USP20: variants seen among roughly 807,000 people sequenced by gnomAD.
USP20 encodes ubiquitin carboxyl-terminal hydrolase 20.
USP20 carries 80 observed loss-of-function variants against 124.2 expected under a neutral mutation model. The ratio of observed to expected loss-of-function variants is 0.64; its 90% CI spans 0.54 to 0.78. USP20 has a LOEUF of 0.78. Ranked by LOEUF, USP20 falls within the 30% of genes least tolerant of loss-of-function variation. The pLI is 0.00. For missense variants in USP20, 1,043 were observed against 1,244.4 expected (o/e 0.84, Z 2.44); for synonymous variants, 481 against 512.3 (o/e 0.94, Z 0.83).
chr9:129,844,342 C>T (rs1010957578), intron 1 of USP20, among the ~76,000 whole-genome samples: 2 of 151,820 alleles, frequency 1.3e-5, no homozygotes, highest in African/African-American at 4.8e-5. Context: ...ATTTATATAT[C>T]TGGTTGGGCA....
At chr9:129,835,931 C>G (rs2031797305) in intron 1 of USP20, 1 of 152,260 alleles carries the variant, frequency 6.6e-6, no homozygotes, top group Admixed American at 6.5e-5. Context: ...GTCCCAGCGC[C>G]GACTGCCTCA....
chr9:129,865,037 T>C (rs936983885), intron 9 of USP20, among the ~76,000 whole-genome samples: 3 of 152,230 alleles, frequency 2.0e-5, no homozygotes, highest in Non-Finnish European at 4.4e-5. Context: ...AAACAAATCA[T>C]GTTTAGGCGA....
intron 10 of USP20, 127 bp downstream of exon 10, chr9:129,865,508 G>T (rs1588272335): frequency 2.1e-6 from 2 of 945,118 alleles, no homozygotes; most frequent in East Asian, 5.2e-5. Flanking sequence ...CACGGACCAG[G>T]CTCTCACTCC....
intron 6 of USP20, among the ~76,000 whole-genome samples, chr9:129,859,842 C>T (rs1422221778): frequency 6.6e-6 from 1 of 152,106 alleles, no homozygotes; most frequent in Admixed American, 6.5e-5. Context: ...TGAGACCAGC[C>T]TGGGCAACAG....
rs1426181616 is a variant in USP20 at position 129,863,267 on chromosome 9, G to GA, written c.581dup (p.Leu195AlafsTer4). 1 of 1,550,782 alleles carries GA rather than the reference G, an allele frequency of 6.4e-7. No individual in the cohort carries two copies. The highest frequency in any genetic ancestry group is 1.9e-5 in the Admixed American group (1 of 51,430). On this transcript the variant is annotated frameshift_variant, in exon 9 of 26. Coordinates refer to ENST00000372429, the MANE Select transcript of USP20 (RefSeq NM_001110303.4). LOFTEE classifies it high-confidence loss of function. ...AGCCAGCCCTGTGCAAGAGCTACCA[G>GA]AAGCTGGTCTCTGAGGTCTGGCATA...
intron 1 of USP20, among the ~76,000 whole-genome samples, chr9:129,837,467 C>A (rs1831749923): frequency 6.6e-6 from 1 of 152,212 alleles, no homozygotes; most frequent in African/African-American, 2.4e-5. Context: ...ATACAGTTCA[C>A]AGCCCAGCTA....
At chr9:129,874,397 G>A (rs2034281073) in intron 17 of USP20, among the ~76,000 whole-genome samples, 179 bp from the exon 18 acceptor site, 1 of 152,174 alleles carries the variant, frequency 6.6e-6, no homozygotes, top group South Asian at 2.1e-4. Context: ...CAGCAGTGGA[G>A]CTGGGAGTGA....
rs749703816 is a variant in USP20, at chr9:129,852,629, A to G, written c.74A>G (p.Lys25Arg). 6.3e-7 allele frequency: 1 copy of G among 1,589,020 alleles called. No individual in the cohort carries two copies. The highest frequency in any genetic ancestry group is 1.3e-5 in the African/African-American group (1 of 74,570). Residue 25 changes from lysine (K) to arginine (R), a missense_variant, in exon 3 of 26, where the codon AAA becomes AGA. Coordinates refer to ENST00000372429, the MANE Select transcript of USP20 (RefSeq NM_001110303.4). ...GEVTKEDLLLKSKGTCQSCGV... is the reference protein window; with the variant it reads ...GEVTKEDLLLRSKGTCQSCGV... ...GTGACCAAAGAGGACTTGCTGCTCA[A>G]ATCTAAGGTAAAGGGTCAGACCTTA...
intron 1 of USP20, among the ~76,000 whole-genome samples, chr9:129,836,020 G>A (rs1395705713): frequency 6.6e-6 from 1 of 152,128 alleles, no homozygotes; most frequent in Non-Finnish European, 1.5e-5. Flanking sequence ...TTGAGCCGGG[G>A]GACTCCTCCT....
chr9:129,864,812 A>G (rs2033746153), intron 9 of USP20, among the ~76,000 whole-genome samples: 1 of 149,494 alleles, frequency 6.7e-6, no homozygotes, highest in African/African-American at 2.5e-5. Flanking sequence ...GTACAATATA[A>G]TTCCGCTTGT....
intron 1 of USP20, among the ~76,000 whole-genome samples, chr9:129,847,342 G>A (rs990624882): frequency 1.9e-4 from 26 of 135,970 alleles, no homozygotes; most frequent in Admixed American, 1.7e-3. Flanking sequence ...TTGCTCTGTC[G>A]CCCAGGCTGG....
At chr9:129,861,440 T>A (rs2033542559) in intron 7 of USP20, 103 bp from the exon 8 acceptor site, 1 of 1,036,366 alleles carries the variant, frequency 9.6e-7, no homozygotes, top group South Asian at 1.3e-5. Context: ...TTCTTGGGTC[T>A]TGGGCAGTTG....
chr9:129,871,630 G>A (rs1238236157), intron 15 of USP20, among the ~76,000 whole-genome samples: 1 of 152,088 alleles, frequency 6.6e-6, no homozygotes, highest in African/African-American at 2.4e-5. Flanking sequence ...TCTCCACATC[G>A]TCGTCCACAC....
In USP20 at chr9:129,881,719, C is replaced by G. The variant is rs930230625; in HGVS notation, c.*1269C>G. The G allele has an allele frequency of 1.3e-5, 2 of 152,338 alleles. No individual in the cohort carries two copies. The highest frequency in any genetic ancestry group is 4.8e-5 in the African/African-American group (2 of 41,484). The allele number at this position is 152,338 out of a possible 1,614,324, so 9.4% of individuals were successfully genotyped here. A position where few individuals can be genotyped will look rare whatever the true frequency, so the allele number is the denominator to read the frequency against. On this transcript the variant is annotated 3_prime_UTR_variant, in exon 26 of 26. Coordinates refer to ENST00000372429, the MANE Select transcript of USP20 (RefSeq NM_001110303.4). The stretch of plus-strand genomic sequence containing the variant: ...GCCGGCGCTGCAGCCAGAGGCCGCA[C>G]GCTGCACTGTCGCGACGCAGAGAGG...
At chr9:129,851,029 A>G (rs2032889180) in intron 2 of USP20, among the ~76,000 whole-genome samples, 1 of 152,142 alleles carries the variant, frequency 6.6e-6, no homozygotes, top group Admixed American at 6.5e-5. Flanking sequence ...CTCCAGTTAC[A>G]TCTTTGGTTG....
In USP20 at chr9:129,869,879, C is replaced by G. The variant is rs751925874; in HGVS notation, c.1565+35C>G. On this transcript the variant is annotated intron_variant, in intron 14 of 25. Transcript: ENST00000372429. ...CCTTGCCACTACTGGGCGACATGGG[C>G]TGGGCCTGTCCTGGTTTTCCTGGGC... 5 of 1,494,098 alleles carry G rather than the reference C, an allele frequency of 3.3e-6. No individual in the cohort carries two copies. The Admixed American group carries it at 8.5e-5, about 25-fold the overall frequency. 92.6% of individuals were successfully genotyped at this position (1,494,098 alleles called of 1,614,324 possible).
At chr9:129,865,153 C>T (rs962852636) in intron 9 of USP20, 150 bp from the exon 10 acceptor site, 1 of 699,184 alleles carries the variant, frequency 1.4e-6, no homozygotes. Flanking sequence ...GATGTGTGAG[C>T]CTCTTGGGGC....
chr9:129,858,379 A>G (rs2033330428), intron 5 of USP20, 88 bp from the exon 6 acceptor site: 1 of 1,581,584 alleles, frequency 6.3e-7, no homozygotes, highest in African/African-American at 1.4e-5. Flanking sequence ...CCTCTTACTG[A>G]GAGGCTGGGG....
At chr9:129,876,334 C>T in intron 22 of USP20, 96 bp downstream of exon 22, 1 of 1,065,670 alleles carries the variant, frequency 9.4e-7, no homozygotes, top group Non-Finnish European at 1.4e-6. Flanking sequence ...AGTCCCTGAG[C>T]AAGTTTGAAA....
Sources: allele counts gnomAD v4.1 joint callset (sites outside exome capture counted in the v4.1 genomes callset), GRCh38; gene constraint gnomAD v4.1.1; transcripts MANE v1.5; gene names NCBI Gene and HGNC (gene_info 2026-07-23, HGNC 2026-07-21).